Variants in NEBL observed in about 807,000 individuals in gnomAD.
NEBL encodes the protein nebulette.
A neutral mutation model predicts 140.2 loss-of-function variants in NEBL; 122 were observed. The observed-to-expected ratio is 0.87, with a 90% CI of 0.75 to 1.01. The LOEUF (loss-of-function observed/expected upper bound fraction) is 1.01. NEBL is among the 50% of genes least tolerant of loss of function. NEBL has a pLI of 0.00. For synonymous variants in NEBL, 436 were observed against 398.9 expected (o/e 1.09, Z -1.11); for missense variants, 1,365 against 1,231.3 (o/e 1.11, Z -1.62).
intron 3 of NEBL, among the ~76,000 whole-genome samples, chr10:20,997,419 G>A (rs902427395): frequency 1.6e-5 from 2 of 123,384 alleles, no homozygotes; most frequent in Non-Finnish European, 3.2e-5. Context: ...TCACCATTAG[G>A]TACCCCCATC....
At chr10:21,198,166 C>T (rs1176479765) in intron 3 of NEBL, among the ~76,000 whole-genome samples, 3 of 152,174 alleles carry the variant, frequency 2.0e-5, no homozygotes, top group Non-Finnish European at 4.4e-5. Flanking sequence ...CCAGTTTCTT[C>T]CCTGTATTTC....
At chr10:21,256,140 T>C (rs1842657113) in intron 1 of NEBL, among the ~76,000 whole-genome samples, 1 of 151,858 alleles carries the variant, frequency 6.6e-6, no homozygotes, top group Non-Finnish European at 1.5e-5. Flanking sequence ...CAATCTCAGC[T>C]CACTGCAACC....
At chr10:21,268,447 T>C (rs1458296762) in intron 1 of NEBL, among the ~76,000 whole-genome samples, 2 of 152,210 alleles carry the variant, frequency 1.3e-5, no homozygotes, top group African/African-American at 2.4e-5. Flanking sequence ...CATGCCACTG[T>C]GCTCCAGCCT....
rs576463516 is a variant in NEBL at position 21,171,335 on chromosome 10, CA to C, written c.164+1047del. On this transcript the variant is annotated intron_variant, in intron 2 of 6. Coordinates refer to the NEBL transcript ENST00000417816. Reference sequence around the variant, plus strand: ...GGGCAACAGGAGCAAACTTCTGTCTCAAAAAAAAAAAAAAGAAAAAAAAAAA... The same window carrying C: ...GGGCAACAGGAGCAAACTTCTGTCTCAAAAAAAAAAAAAGAAAAAAAAAAA... 6.6e-3 allele frequency among the ~76,000 whole-genome samples: 441 copies of C among 66,684 alleles called. 1 individual carries two copies. The highest frequency in any genetic ancestry group is 0.016 in the African/African-American group (332 of 21,300). The allele number at this position is 66,684 out of a possible 152,430, so 43.7% of individuals were successfully genotyped here.
rs140127572 is a variant in NEBL at position 21,115,610 on chromosome 10, G to A, written c.164+56773C>T. Reference sequence around the variant, plus strand: ...TTGCATTGTTTCCAACAAGGAGTTCGCTCAATATCACCTTTGTTCTGTGCA... The same window carrying A: ...TTGCATTGTTTCCAACAAGGAGTTCACTCAATATCACCTTTGTTCTGTGCA... On this transcript the variant is annotated intron_variant, in intron 2 of 6. Transcript: ENST00000417816. 4.7e-3 allele frequency among the ~76,000 whole-genome samples: 721 copies of A among 151,942 alleles called. 8 individuals carry two copies. The highest frequency in any genetic ancestry group is 7.0e-3 in the Non-Finnish European group (473 of 67,962).
intron 2 of NEBL, among the ~76,000 whole-genome samples, chr10:21,141,921 C>A (rs74479831): frequency 6.6e-6 from 1 of 152,174 alleles, no homozygotes; most frequent in Non-Finnish European, 1.5e-5. Context: ...ACCTCCCACG[C>A]CTTCAGCAGA....
chr10:21,253,213 G>T (rs551688553), intron 1 of NEBL, among the ~76,000 whole-genome samples: 151 of 152,340 alleles, frequency 9.9e-4, no homozygotes, highest in African/African-American at 3.4e-3. Context: ...GAAGGTTGCA[G>T]TGAGCCAAGA....
chr10:21,008,834 A>C (rs2131734122), intron 3 of NEBL, among the ~76,000 whole-genome samples: 1 of 152,214 alleles, frequency 6.6e-6, no homozygotes, highest in South Asian at 2.1e-4. Flanking sequence ...GGGTTCTTGG[A>C]ACATATTCCC....
At chr10:21,203,400 T>C (rs2132229043) in intron 3 of NEBL, among the ~76,000 whole-genome samples, 1 of 152,334 alleles carries the variant, frequency 6.6e-6, no homozygotes, top group East Asian at 1.9e-4. Context: ...GAAATTGCTT[T>C]TATAAAAAAG....
chr10:20,850,564 A>G (rs1842408450), intron 10 of NEBL, 62 bp from the exon 11 acceptor site: 1 of 1,072,292 alleles, frequency 9.3e-7, no homozygotes, highest in Non-Finnish European at 1.4e-6. Context: ...GAGCAAACTA[A>G]GAAAAAATAT....
chr10:21,093,144 A>G (rs1238204538), intron 2 of NEBL, among the ~76,000 whole-genome samples: 1 of 48,998 alleles, frequency 2.0e-5, no homozygotes, highest in East Asian at 3.9e-4. Context: ...TCATTTAGCA[A>G]CAAGTCTTTT....
In NEBL at chr10:21,235,692, TTAAC is replaced by T. The variant is rs377643312; in HGVS notation, n.348+12225_348+12228del. Among the ~76,000 whole-genome samples, 454 of 152,346 alleles carry T rather than the reference TTAAC, an allele frequency of 3.0e-3. 1 individual carries two copies. Among genetic ancestry groups the T allele is most frequent in the African/African-American group, 9.6e-3 (398 of 41,580 alleles). On this transcript the variant is annotated intron_variant and non_coding_transcript_variant, in intron 3 of 8. Transcript: ENST00000675702. Reference sequence around the variant, plus strand: ...GGCATAAGTCATTGGGGGCAGCAGATTAACTAGCACCTATGAACTGGGAATAGCA... The same window carrying T: ...GGCATAAGTCATTGGGGGCAGCAGATTAGCACCTATGAACTGGGAATAGCA...
In NEBL at chr10:21,173,643, C is replaced by A; in HGVS notation, c.69+122G>T. The A allele has an allele frequency of 2.0e-6, 3 of 1,528,934 alleles. No individual in the cohort carries two copies. The highest frequency in any genetic ancestry group is 2.7e-6 in the Non-Finnish European group (3 of 1,122,646). The allele number at this position is 1,528,934 out of a possible 1,614,324, so 94.7% of individuals were successfully genotyped here. A position where few individuals can be genotyped will look rare whatever the true frequency, so the allele number is the denominator to read the frequency against. ...TTCGTTCGCGCGCCCTCCCCCCGTG[C>A]CAAGGCACACGCACACGCACCGACC... is the stretch of plus-strand genomic sequence containing the variant. On this transcript the variant is annotated intron_variant, in intron 1 of 6. Coordinates refer to the NEBL transcript ENST00000417816. The surrounding 1 kb of genome is among the most constrained non-coding windows in gnomAD (Gnocchi z 5.7).
chr10:21,257,158 A>G (rs1176350061), intron 1 of NEBL, among the ~76,000 whole-genome samples: 1 of 152,176 alleles, frequency 6.6e-6, no homozygotes, highest in Non-Finnish European at 1.5e-5. Flanking sequence ...AAATTATATG[A>G]CTTGGGTCCT....
intron 12 of NEBL, among the ~76,000 whole-genome samples, chr10:20,842,253 G>A (rs537227164): frequency 6.6e-5 from 10 of 152,160 alleles, no homozygotes; most frequent in South Asian, 4.1e-4. Context: ...CAAATGACCC[G>A]AGTGAAAGTC....
chr10:20,825,473 A>C (rs1194017865), intron 18 of NEBL, among the ~76,000 whole-genome samples: 1 of 152,066 alleles, frequency 6.6e-6, no homozygotes, highest in African/African-American at 2.4e-5. Flanking sequence ...CCTGGCCGAC[A>C]TGGTGAAACC....
At chr10:20,803,088 G>A (rs932171774) in intron 26 of NEBL, among the ~76,000 whole-genome samples, 4 of 152,036 alleles carry the variant, frequency 2.6e-5, no homozygotes, top group African/African-American at 9.7e-5. Flanking sequence ...ACCCCACCTC[G>A]ACCACAAGCA....
intron 4 of NEBL, among the ~76,000 whole-genome samples, chr10:20,919,265 T>C (rs1247692681): frequency 3.3e-5 from 5 of 152,174 alleles, no homozygotes; most frequent in Non-Finnish European, 4.4e-5. Flanking sequence ...GTTGAGAACA[T>C]AGGTTCCAGT....
chr10:21,006,559 A>G (rs533170107), intron 3 of NEBL, among the ~76,000 whole-genome samples: 244 of 152,296 alleles, frequency 1.6e-3, no homozygotes, highest in African/African-American at 5.6e-3. Flanking sequence ...ACTCCTGCTA[A>G]AGCTTGAGAC....
Sources: gnomAD v4.1 joint callset for allele counts (sites outside exome capture counted in the v4.1 genomes callset) on GRCh38, gnomAD v4.1.1 for gene constraint, Gnocchi (gnomAD v3.1) non-coding constraint, MANE v1.5 for transcripts, NCBI Gene and HGNC (gene_info 2026-07-23, HGNC 2026-07-21) for gene names.